ZNF138: variants seen among roughly 807,000 people sequenced by gnomAD.
ZNF138 encodes zinc finger protein 138.
Under a neutral mutation model 33.0 loss-of-function variants are expected in ZNF138, and 33 were observed. That is an observed-to-expected ratio of 1.00 (90% confidence interval 0.76 to 1.34). The LOEUF (loss-of-function observed/expected upper bound fraction) is 1.34. Among genes scored for constraint, ZNF138 ranks in the 40% most tolerant of loss-of-function variants. The probability of loss-of-function intolerance (pLI) is 0.00; values close to 1 mark genes in which losing one functional copy is unlikely to be tolerated. For missense variants in ZNF138, 360 were observed against 370.8 expected (o/e 0.97, Z 0.24); for synonymous variants, 139 against 120.4 (o/e 1.15, Z -1.01).
At chr7:64,819,835 G>T (rs551870261) in intron 3 of ZNF138, among the ~76,000 whole-genome samples, 1 of 147,836 alleles carries the variant, frequency 6.8e-6, no homozygotes, top group South Asian at 2.1e-4. Flanking sequence ...GATTTTGGGA[G>T]GCCAAGACAA....
At chr7:64,830,356 T>A (rs2129015530) in intron 3 of ZNF138, among the ~76,000 whole-genome samples, 1 of 152,320 alleles carries the variant, frequency 6.6e-6, no homozygotes, top group African/African-American at 2.4e-5. Context: ...TTTTTTAATA[T>A]CTTTCATTGT....
At chr7:64,818,221 A>C (rs1265783399) in intron 3 of ZNF138, among the ~76,000 whole-genome samples, 1 of 151,918 alleles carries the variant, frequency 6.6e-6, no homozygotes, top group African/African-American at 2.4e-5. Flanking sequence ...CCTGATCTCA[A>C]GTAGTCCCCC....
At chr7:64,802,506 T>C (rs910336982) in intron 1 of ZNF138, among the ~76,000 whole-genome samples, 2 of 148,280 alleles carry the variant, frequency 1.3e-5, no homozygotes, top group African/African-American at 4.9e-5. Flanking sequence ...GAAAATATAT[T>C]TTGGTGTTAA....
At chr7:64,816,738 A>T (rs1185977528) in intron 3 of ZNF138, among the ~76,000 whole-genome samples, 1 of 152,188 alleles carries the variant, frequency 6.6e-6, no homozygotes, top group African/African-American at 2.4e-5. Flanking sequence ...TGACAATGAC[A>T]CAATATAGTT....
At chr7:64,822,418 A>T (rs1789244345) in intron 3 of ZNF138, among the ~76,000 whole-genome samples, 1 of 151,588 alleles carries the variant, frequency 6.6e-6, no homozygotes, top group African/African-American at 2.4e-5. Context: ...TTTCTAAGAG[A>T]TTAACAGTGA....
chr7:64,817,640 G>C (rs992530544), intron 3 of ZNF138, among the ~76,000 whole-genome samples: 1 of 152,172 alleles, frequency 6.6e-6, no homozygotes, highest in East Asian at 1.9e-4. Context: ...ATGATGCCTC[G>C]CTCTCTGATA....
chr7:64,827,041 A>T (rs1789675642), intron 3 of ZNF138, among the ~76,000 whole-genome samples: 2 of 152,152 alleles, frequency 1.3e-5, no homozygotes. Flanking sequence ...TTTATAATAA[A>T]GAGGTTTATA....
chr7:64,797,903 A>T (rs972537885), intron 1 of ZNF138, among the ~76,000 whole-genome samples: 1 of 152,086 alleles, frequency 6.6e-6, no homozygotes, highest in African/African-American at 2.4e-5. Flanking sequence ...GGAATGGCAA[A>T]TGGAGGGTGT....
chr7:64,815,975 ACT>A (rs776486806), intron 3 of ZNF138, among the ~76,000 whole-genome samples: 2 of 150,636 alleles, frequency 1.3e-5, no homozygotes, highest in African/African-American at 2.4e-5. Flanking sequence ...ATTTTGAGAA[ACT>A]CTATGTTAAA....
At chr7:64,834,772 T>G (rs1321696272), downstream of ZNF138, among the ~76,000 whole-genome samples, 1 of 152,190 alleles carries the variant, frequency 6.6e-6, no homozygotes, top group African/African-American at 2.4e-5. Flanking sequence ...TATTGAGTGA[T>G]GTATGAGGTA....
intron 1 of ZNF138, among the ~76,000 whole-genome samples, chr7:64,809,165 G>A (rs1468009178): frequency 3.3e-5 from 4 of 122,090 alleles, no homozygotes; most frequent in African/African-American, 1.2e-4. Context: ...GGGCGGCCGG[G>A]CAGAGGCGCC....
chr7:64,823,446 C>A (rs1012248388), intron 3 of ZNF138, among the ~76,000 whole-genome samples: 1 of 152,046 alleles, frequency 6.6e-6, no homozygotes, highest in African/African-American at 2.4e-5. Flanking sequence ...AGTGATCCTT[C>A]AACCTCAGCC....
chr7:64,839,853 G>C, the ZNF138 span, among the ~76,000 whole-genome samples: 1 of 152,236 alleles, frequency 6.6e-6, no homozygotes, highest in Admixed American at 6.5e-5. Flanking sequence ...ATAAGGCGGA[G>C]AGGCGAGACA....
In ZNF138 at chr7:64,831,797, TAAA is replaced by T. The variant is rs750123890; in HGVS notation, c.560_562del (p.Lys187del). ...GCATGCTTTCACGCCTAACTCAACATAAAAAAATTCATACTAGAGAGAATTTCT... is the reference window on the plus strand; with the variant it reads ...GCATGCTTTCACGCCTAACTCAACATAAAATTCATACTAGAGAGAATTTCT... On this transcript the variant is annotated inframe_deletion, in exon 4 of 4. Coordinates refer to ENST00000307355, the MANE Select transcript of ZNF138 (RefSeq NM_001271639.2). The T allele has an allele frequency of 1.2e-6, 2 of 1,613,218 alleles. No homozygotes were observed. Among genetic ancestry groups the T allele is most frequent in the Non-Finnish European group, 1.7e-6 (2 of 1,179,860 alleles).
chr7:64,851,472 C>T, the ZNF138 span, among the ~76,000 whole-genome samples: 32 of 152,226 alleles, frequency 2.1e-4, no homozygotes, highest in East Asian at 4.4e-3. Flanking sequence ...CTAAGAATTA[C>T]GCTAAATAGC....
intron 1 of ZNF138, among the ~76,000 whole-genome samples, chr7:64,811,003 T>C (rs1788134878): frequency 1.3e-5 from 2 of 152,218 alleles, no homozygotes; most frequent in Non-Finnish European, 2.9e-5. Flanking sequence ...TTCTTGGAGA[T>C]GTTGTTGCTC....
At chr7:64,826,340 C>T (rs1403234225) in intron 3 of ZNF138, among the ~76,000 whole-genome samples, 2 of 151,590 alleles carry the variant, frequency 1.3e-5, no homozygotes, top group Non-Finnish European at 2.9e-5. Context: ...AGTGCAATGG[C>T]ACGATGTTGT....
the ZNF138 span, among the ~76,000 whole-genome samples, chr7:64,842,394 G>A: frequency 6.6e-6 from 1 of 152,182 alleles, no homozygotes; most frequent in African/African-American, 2.4e-5. Context: ...AATGTTAAAG[G>A]TTGCAAAATA....
chr7:64,853,894 T>C, the ZNF138 span, among the ~76,000 whole-genome samples: 1 of 151,988 alleles, frequency 6.6e-6, no homozygotes, highest in African/African-American at 2.4e-5. Context: ...CTCCTTAGTA[T>C]AACAATAAAA....
Sources: allele counts gnomAD v4.1 joint callset (sites outside exome capture counted in the v4.1 genomes callset), GRCh38; gene constraint gnomAD v4.1.1; transcripts MANE v1.5; gene names NCBI Gene and HGNC (gene_info 2026-07-23, HGNC 2026-07-21).